PRH1: variants seen among roughly 807,000 people sequenced by gnomAD.
PRH1 encodes the protein proline rich protein HaeIII subfamily 1, also known as salivary acidic proline-rich phosphoprotein 1/2.
A neutral mutation model predicts 7.9 loss-of-function variants in PRH1; 7 were observed. The ratio of observed to expected loss-of-function variants is 0.89; its 90% confidence interval spans 0.50 to 1.67. The LOEUF (loss-of-function observed/expected upper bound fraction) is 1.67. Among genes scored for constraint, PRH1 ranks in the 40% most tolerant of loss-of-function variants. PRH1 has a pLI of 0.00. For missense variants in PRH1, 109 were observed against 223.6 expected (o/e 0.49, Z 3.27); for synonymous variants, 45 against 80.8 (o/e 0.56, Z 2.38).
At chr12:10,896,552 A>T (rs1449164105) in intron 2 of PRH1, among the ~76,000 whole-genome samples, 1 of 152,148 alleles carries the variant, frequency 6.6e-6, no homozygotes, top group Non-Finnish European at 1.5e-5. Context: ...ACCTGAGGTC[A>T]GGAGTTCGAG....
At chr12:10,986,067 T>C in intron 1 of PRH1, 2 of 1,614,074 alleles carry the variant, frequency 1.2e-6, no homozygotes, top group Non-Finnish European at 1.7e-6. Context: ...TCCAACAGCC[T>C]TGCTAACCAT....
At chr12:10,905,557 T>C (rs1470640849) in intron 2 of PRH1, among the ~76,000 whole-genome samples, 1 of 151,954 alleles carries the variant, frequency 6.6e-6, no homozygotes, top group East Asian at 1.9e-4. Flanking sequence ...TCCCAGCTAC[T>C]TGGGAGGCTG....
At chr12:11,117,653 G>A (rs1945769441), downstream of PRH1, among the ~76,000 whole-genome samples, 1 of 152,122 alleles carries the variant, frequency 6.6e-6, no homozygotes, top group Non-Finnish European at 1.5e-5. Context: ...CATGTTACTT[G>A]ACTTCATATG....
rs1327657531 is a variant in PRH1, at chr12:11,092,662, G to A, written n.124-45474C>T. 9.5e-5 allele frequency among the ~76,000 whole-genome samples: 11 copies of A among 115,358 alleles called. 4 individuals carry two copies. Among genetic ancestry groups the A allele is most frequent in the Non-Finnish European group, 2.3e-4 (11 of 48,868 alleles). The allele number at this position is 115,358 out of a possible 152,430, so 75.7% of individuals were successfully genotyped here. A position where few individuals can be genotyped will look rare whatever the true frequency, so the allele number is the denominator to read the frequency against. Reference sequence around the variant, plus strand: ...GAGCGCTGATTGCTGTGGTTTTACAGTGCGCTGATTGGTGCATTTTACAAT... The same window carrying A: ...GAGCGCTGATTGCTGTGGTTTTACAATGCGCTGATTGGTGCATTTTACAAT... On this transcript the variant is annotated intron_variant and non_coding_transcript_variant, in intron 1 of 4. Coordinates refer to the PRH1 transcript ENST00000541977.
At chr12:11,012,007 G>C (rs1368151907) in intron 1 of PRH1, among the ~76,000 whole-genome samples, 1 of 152,018 alleles carries the variant, frequency 6.6e-6, no homozygotes, top group Non-Finnish European at 1.5e-5. Context: ...CTCATGCTTA[G>C]GCTTTTGAGT....
rs559026235 is a variant in PRH1, at chr12:11,014,553, C to T, written c.-126+32467G>A. ...CTTATAAACCAAGAGCAAGCCTTTT[C>T]ACTTCAAAGGCTGAAAAACTGATTC... On this transcript the variant is annotated intron_variant, in intron 1 of 3. Transcript: ENST00000539853. 2.0e-5 allele frequency among the ~76,000 whole-genome samples: 3 copies of T among 152,162 alleles called. No individual in the cohort carries two copies. The South Asian group carries it at 6.2e-4, about 32-fold the overall frequency.
rs200433231 is a variant in PRH1 at position 10,997,459 on chromosome 12, A to G, written c.-125-23738T>C. The G allele has an allele frequency of 1.4e-4, 227 of 1,614,028 alleles. 2 individuals carry two copies. Among genetic ancestry groups the G allele is most frequent in the Middle Eastern group, 8.3e-4 (5 of 6,060 alleles). ...GTTTCATCACAAGGTGACAAACCAA[A>G]AAGAACAAAGACCCCAACACTATCA... On this transcript the variant is annotated intron_variant, in intron 1 of 3. Transcript: ENST00000539853.
intron 1 of PRH1, among the ~76,000 whole-genome samples, chr12:11,068,205 T>C (rs1280770379): frequency 6.6e-6 from 1 of 150,524 alleles, no homozygotes. Context: ...TTCCCGTTTA[T>C]CTCCTCCCTC....
chr12:11,044,753 G>A (rs1209234734), intron 1 of PRH1, among the ~76,000 whole-genome samples: 1 of 152,066 alleles, frequency 6.6e-6, no homozygotes, highest in African/African-American at 2.4e-5. Flanking sequence ...ACTAAAATGA[G>A]ATAGATATCA....
At chr12:11,134,298 T>C (rs1285096942) in intron 1 of PRH1, 22 of 1,117,294 alleles carry the variant, frequency 2.0e-5, no homozygotes, top group Non-Finnish European at 2.6e-5. Context: ...TCACTGGTTG[T>C]GATTGCTTGA....
chr12:11,134,341 T>C, intron 1 of PRH1: 1 of 1,230,418 alleles, frequency 8.1e-7, no homozygotes, highest in Non-Finnish European at 1.1e-6. Context: ...ATGCACCTGA[T>C]TTGTGTATGT....
At chr12:11,133,082 TA>T in intron 1 of PRH1, 1 of 490,262 alleles carries the variant, frequency 2.0e-6, no homozygotes, top group Non-Finnish European at 3.0e-6. Context: ...GAAAAAACAA[TA>T]AAAAGCATGT....
At chr12:10,985,839 AC>A in intron 1 of PRH1, 1 of 1,104,176 alleles carries the variant, frequency 9.1e-7, no homozygotes, top group Non-Finnish European at 1.3e-6. Flanking sequence ...AAAAACATAC[AC>A]TACAGAAAAA....
At chr12:10,882,782 G>A (rs546212864) in intron 2 of PRH1, 84 bp from the exon 3 acceptor site, 15 of 1,576,140 alleles carry the variant, frequency 9.5e-6, no homozygotes, top group African/African-American at 1.3e-5. Flanking sequence ...CCACACGGCC[G>A]GCCCCTCTCT....
At chr12:11,060,352 A>G (rs1266186559) in intron 1 of PRH1, among the ~76,000 whole-genome samples, 2 of 152,106 alleles carry the variant, frequency 1.3e-5, no homozygotes, top group African/African-American at 4.8e-5. Context: ...ATTTTCCATA[A>G]TTTCTATACT....
intron 2 of PRH1, among the ~76,000 whole-genome samples, chr12:10,898,307 T>TATTC (rs1354319792): frequency 9.9e-5 from 15 of 152,028 alleles, no homozygotes; most frequent in African/African-American, 3.6e-4. Flanking sequence ...GTCAAAGAAA[T>TATTC]GAATGAGTTG....
chr12:10,924,622 G>C (rs1033559564), intron 2 of PRH1, among the ~76,000 whole-genome samples: 1 of 152,124 alleles, frequency 6.6e-6, no homozygotes, highest in Non-Finnish European at 1.5e-5. Flanking sequence ...CTGTGATTCC[G>C]TCTGGTCCTG....
chr12:11,084,575 T>C (rs1944620911), intron 1 of PRH1, among the ~76,000 whole-genome samples: 1 of 144,604 alleles, frequency 6.9e-6, no homozygotes. Context: ...AAAATTCCCA[T>C]TACTTCATAA....
chr12:11,103,141 C>T (rs1945305892), intron 1 of PRH1, among the ~76,000 whole-genome samples: 15 of 152,126 alleles, frequency 9.9e-5, no homozygotes. Context: ...GGCGATTCCT[C>T]AGGGATATAG....
Sources: gnomAD v4.1 joint callset for allele counts (sites outside exome capture counted in the v4.1 genomes callset) on GRCh38, gnomAD v4.1.1 for gene constraint, MANE v1.5 for transcripts, NCBI Gene and HGNC (gene_info 2026-07-23, HGNC 2026-07-21) for gene names.